The following PTMA variants were observed in gnomAD, a reference collection of about 807,000 sequenced individuals.
The protein encoded by PTMA is gene sequence 28.
In PTMA, 4 loss-of-function variants were observed where a neutral mutation model predicts 16.9. That is an observed-to-expected ratio of 0.24 (90% CI 0.12 to 0.54). The LOEUF is 0.54. Ranked by LOEUF, PTMA falls within the 20% of genes least tolerant of loss-of-function variation. The pLI is 0.95. For synonymous variants in PTMA, 58 were observed against 47.9 expected, an observed-to-expected ratio of 1.21 and a Z score of -0.87; for missense variants, 120 against 137.7, an observed-to-expected ratio of 0.87 and a Z score of 0.64.
Position 231,711,885 on chromosome 2 carries a change from A to C in PTMA, c.118-5A>C, listed in dbSNP as rs112931881. The stretch of plus-strand genomic sequence containing the variant: ...TAATGACATGGCCTGTTTTCTGTCG[A>C]GGAGAATGAGGAAAATGGGGAGCAG... On this transcript the variant is annotated splice_polypyrimidine_tract_variant and splice_region_variant and intron_variant, in intron 2 of 4. Transcript: ENST00000409115. 3.7e-6 allele frequency: 6 copies of C among 1,612,440 alleles called. No homozygotes were observed. In the African/African-American group the frequency reaches 8.0e-5, roughly 22 times the overall value.
chr2:231,712,487 A>G lies in PTMA; in HGVS notation c.256A>G (p.Thr86Ala). 2 of 1,614,180 alleles carry G rather than the reference A, an allele frequency of 1.2e-6. No individual in the cohort carries two copies. The highest frequency in any genetic ancestry group is 1.7e-6 in the Non-Finnish European group (2 of 1,180,018). ...TGAAGATGAGGAAGCTGAGTCAGCT[A>G]CGGGCAAGCGGGCAGCTGAAGATGA... ...GDEDEEAESA[T>A]GKRAAEDDED... Residue 86 changes from threonine to alanine, a missense_variant, in exon 4 of 5, where the codon ACG becomes GCG. Transcript: ENST00000409115.
chr2:231,711,318 T>C (rs1162128549), intron 1 of PTMA, 30 bp from the exon 2 acceptor site: 1 of 1,595,374 alleles, frequency 6.3e-7, no homozygotes. Flanking sequence ...GAAGACTTAC[T>C]GGTTACTGGT....
intron 1 of PTMA, 105 bp from the exon 2 acceptor site, chr2:231,711,243 G>A: frequency 1.1e-6 from 1 of 888,836 alleles, no homozygotes. Context: ...CTCTTAATTT[G>A]GGACGGACAG....
Position 231,712,966 on chromosome 2 carries a change from G to A in PTMA, c.*115G>A, listed in dbSNP as rs1027753837. 31 of 1,152,770 alleles carry A rather than the reference G, an allele frequency of 2.7e-5. No individual in the cohort carries two copies. The highest frequency in any genetic ancestry group is 4.7e-5 in the African/African-American group (3 of 63,416). The allele number at this position is 1,152,770 out of a possible 1,614,324, so 71.4% of individuals were successfully genotyped here. A position where few individuals can be genotyped will look rare whatever the true frequency, so the allele number is the denominator to read the frequency against. On this transcript the variant is annotated 3_prime_UTR_variant, in exon 5 of 5. Coordinates refer to ENST00000409115, the MANE Select transcript of PTMA (RefSeq NM_002823.5). ...CACCTTCGAGTAGAGAGGCCCGCCC[G>A]CCCACCGTGGGCAGTGCCACCCGCA...
intron 1 of PTMA, 35 bp downstream of exon 1, chr2:231,708,786 G>A (rs745543678): frequency 1.9e-6 from 3 of 1,594,110 alleles, no homozygotes; most frequent in Non-Finnish European, 2.6e-6. Context: ...CTCGGGGTCC[G>A]CGCGCCGCCG....
At chr2:231,712,192 C>CCT (rs2048526593) in intron 3 of PTMA, among the ~76,000 whole-genome samples, 1 of 152,302 alleles carries the variant, frequency 6.6e-6, no homozygotes, top group African/African-American at 2.4e-5. Context: ...CACTCGCACA[C>CCT]CTGAAAGTTT....
intron 1 of PTMA, chr2:231,710,181 G>T (rs1301607475): frequency 7.7e-7 from 1 of 1,298,250 alleles, no homozygotes; most frequent in Admixed American, 3.5e-5. Context: ...CCCGCCGAAT[G>T]CAGACATTCG....
Position 231,708,723 on chromosome 2 carries a change from T to C in PTMA, c.17T>C (p.Val6Ala). MSDAA[V>A]DTSSEITTKD... The stretch of plus-strand genomic sequence containing the variant: ...TGCCCCACCATGTCAGACGCAGCCG[T>C]AGACACCAGCTCCGAAATCACCACC... The change falls in exon 1 of 5, where the codon GTA (valine) becomes GCA (alanine). Residue 6 changes from valine to alanine, a missense_variant. Physicochemically the swap from Val to Ala is moderately conservative, Grantham distance 64 (BLOSUM62 0). Coordinates refer to ENST00000409115, the MANE Select transcript of PTMA (RefSeq NM_002823.5). The C allele has an allele frequency of 6.2e-7, 1 of 1,603,634 alleles. No homozygotes were observed.
intron 1 of PTMA, chr2:231,710,439 T>C: frequency 2.6e-6 from 3 of 1,136,992 alleles, no homozygotes; most frequent in Non-Finnish European, 3.3e-6. Context: ...TCCCCGGGGC[T>C]TCGGCCGCCA....
At chr2:231,710,971 C>G (rs917914517) in intron 1 of PTMA, among the ~76,000 whole-genome samples, 1 of 152,252 alleles carries the variant, frequency 6.6e-6, no homozygotes, top group African/African-American at 2.4e-5. Context: ...GCTCGAGGGG[C>G]GGGCTCTTTG....
In PTMA at chr2:231,713,137, A is replaced by G. The variant is rs1358763594; in HGVS notation, c.*286A>G. ...TGTTTGTATTTTTTATTTACATTTT[A>G]TATTTTTGTACATATTGTTAGGGTC... On this transcript the variant is annotated 3_prime_UTR_variant, in exon 5 of 5. Transcript: ENST00000409115. 4.6e-6 allele frequency: 2 copies of G among 437,042 alleles called. No homozygotes were observed. The highest frequency in any genetic ancestry group is 3.9e-5 in the Admixed American group (1 of 25,746). 27.1% of individuals were successfully genotyped at this position (437,042 alleles called of 1,614,324 possible).
chr2:231,711,861 A>G (rs1326559406), intron 2 of PTMA, 29 bp from the exon 3 acceptor site: 1 of 1,610,760 alleles, frequency 6.2e-7, no homozygotes, highest in African/African-American at 1.3e-5. Flanking sequence ...GCCAGCTGGT[A>G]ATGACATGGC....
At chr2:231,709,141 G>C (rs2048481932) in intron 1 of PTMA, among the ~76,000 whole-genome samples, 1 of 152,294 alleles carries the variant, frequency 6.6e-6, no homozygotes, top group Admixed American at 6.5e-5. Context: ...GGAATCGGAA[G>C]TGCTGGGGGG....
At chr2:231,709,281 G>A (rs1388932053) in intron 1 of PTMA, among the ~76,000 whole-genome samples, 2 of 152,132 alleles carry the variant, frequency 1.3e-5, no homozygotes, top group Non-Finnish European at 2.9e-5. Context: ...TCTAGACTAA[G>A]TCCCGATAAG....
intron 4 of PTMA, 127 bp downstream of exon 4, chr2:231,712,643 C>G (rs2048533247): frequency 7.6e-7 from 1 of 1,316,270 alleles, no homozygotes; most frequent in Non-Finnish European, 1.1e-6. Context: ...GGTCCTGAAT[C>G]TTAAGAACAG....
rs767783420 is a variant in PTMA at position 231,711,904 on chromosome 2, G to T, written c.132G>T (p.Gly44=). 6.2e-7 allele frequency: 1 copy of T among 1,611,824 alleles called. No individual in the cohort carries two copies. The highest frequency in any genetic ancestry group is 8.5e-7 in the Non-Finnish European group (1 of 1,179,096). Residue 44 remains glycine (G), a synonymous_variant, in exon 3 of 5, where the codon GGG becomes GGT. Coordinates refer to ENST00000409115, the MANE Select transcript of PTMA (RefSeq NM_002823.5). ...PANGNANEEN[G]EQEADNEVDE... ...CTGTCGAGGAGAATGAGGAAAATGG[G>T]GAGCAGGAGGCTGACAATGAGGTAG...
intron 1 of PTMA, 147 bp from the exon 2 acceptor site, chr2:231,711,201 C>T (rs949347592): frequency 1.1e-5 from 7 of 654,834 alleles, no homozygotes; most frequent in African/African-American, 5.4e-5. Flanking sequence ...GGAGAGGGAC[C>T]GCAGGGGCAT....
chr2:231,711,642 G>T, intron 2 of PTMA: 1 of 740,404 alleles, frequency 1.4e-6, no homozygotes. Flanking sequence ...GTTCAGAGGA[G>T]ACTCCGGTAG....
chr2:231,710,453 G>A, intron 1 of PTMA: 1 of 1,114,644 alleles, frequency 9.0e-7, no homozygotes, highest in Non-Finnish European at 1.1e-6. Context: ...GCCGCCAGGG[G>A]GCGAGAGCGG....
Sources: gnomAD v4.1 joint callset for allele counts (sites outside exome capture counted in the v4.1 genomes callset) on GRCh38, gnomAD v4.1.1 for gene constraint, MANE v1.5 for transcripts, NCBI Gene and HGNC (gene_info 2026-07-23, HGNC 2026-07-21) for gene names.